The following CMYA5 variants were observed in gnomAD, a reference collection of about 807,000 sequenced individuals.
CMYA5 encodes the protein cardiomyopathy associated 5.
Under a neutral mutation model 318.9 loss-of-function variants are expected in CMYA5, and 246 were observed. That is an observed-to-expected ratio of 0.77 (90% confidence interval 0.70 to 0.86). CMYA5 has a LOEUF of 0.86. Among genes scored for constraint, CMYA5 ranks in the 40% least tolerant of loss-of-function variants. CMYA5 has a pLI of 0.00. For missense variants in CMYA5, 4,589 were observed against 4,678.2 expected (o/e 0.98, Z 0.56); for synonymous variants, 1,641 against 1,729.5 (o/e 0.95, Z 1.27).
rs377265314 is a variant in CMYA5 at position 79,762,112 on chromosome 5, G to C, written c.11407+155G>C. 1.3e-4 allele frequency: 104 copies of C among 771,222 alleles called. No individual in the cohort carries two copies. In the African/African-American group the frequency reaches 1.6e-3, roughly 12 times the overall value. 47.8% of individuals were successfully genotyped at this position (771,222 alleles called of 1,614,324 possible). A position where few individuals can be genotyped will look rare whatever the true frequency, so the allele number is the denominator to read the frequency against. Reference sequence around the variant, plus strand: ...AACGATGACTTAAGCCTGGGGTCCTGTTCTCAAGAAGCTCATGCTCAGGTG... The same window carrying C: ...AACGATGACTTAAGCCTGGGGTCCTCTTCTCAAGAAGCTCATGCTCAGGTG... On this transcript the variant is annotated intron_variant, in intron 8 of 12. Transcript: ENST00000446378.
At chr5:79,709,960 C>CAAAAAAAAAAAAAAAAAAAAAAA (rs61657639) in intron 1 of CMYA5, among the ~76,000 whole-genome samples, 1 of 24,322 alleles carries the variant, frequency 4.1e-5, no homozygotes, top group Non-Finnish European at 7.1e-5. Context: ...GACTCCATCT[C>CAAAAAAAAAAAAAAAAAAAAAAA]AAAAAAAAAA....
intron 6 of CMYA5, among the ~76,000 whole-genome samples, chr5:79,755,989 G>C (rs1828520841): frequency 6.6e-6 from 1 of 152,194 alleles, no homozygotes; most frequent in Non-Finnish European, 1.5e-5. Flanking sequence ...ATAATTCATA[G>C]GATAAAAGGG....
At chr5:79,690,306 C>T (rs1262976915) in intron 1 of CMYA5, among the ~76,000 whole-genome samples, 1 of 152,152 alleles carries the variant, frequency 6.6e-6, no homozygotes, top group Non-Finnish European at 1.5e-5. Context: ...TTGTTTATTC[C>T]TGAGGATTTA....
Position 79,734,567 on chromosome 5 carries a change from C to T in CMYA5, c.5802C>T (p.Ser1934=). The T allele has an allele frequency of 6.2e-7, 1 of 1,613,868 alleles. No individual in the cohort carries two copies. The highest frequency in any genetic ancestry group is 8.5e-7 in the Non-Finnish European group (1 of 1,179,846). Residue 1934 remains serine, a synonymous_variant, in exon 2 of 13, where the codon TCC becomes TCT. Coordinates refer to ENST00000446378, the MANE Select transcript of CMYA5 (RefSeq NM_153610.5). Reference sequence around the variant, plus strand: ...CAGGGCAGCTCAAGGCTGCTGTGTCCAGTAAGGACCATACATGTGAAGTGA... The same window carrying T: ...CAGGGCAGCTCAAGGCTGCTGTGTCTAGTAAGGACCATACATGTGAAGTGA... ...LRPGQLKAAV[S]SKDHTCEVRK...
At chr5:79,712,442 C>T (rs1208554262) in intron 1 of CMYA5, among the ~76,000 whole-genome samples, 1 of 151,774 alleles carries the variant, frequency 6.6e-6, no homozygotes, top group Non-Finnish European at 1.5e-5. Flanking sequence ...TGAACTCCTG[C>T]CCTCAAATGA....
intron 9 of CMYA5, among the ~76,000 whole-genome samples, chr5:79,767,610 G>C (rs1188642561): frequency 6.6e-6 from 1 of 152,198 alleles, no homozygotes; most frequent in African/African-American, 2.4e-5. Context: ...TAGTTGTGTG[G>C]TTTTGAGTGA....
intron 1 of CMYA5, among the ~76,000 whole-genome samples, chr5:79,716,382 C>T (rs960445501): frequency 2.0e-5 from 3 of 152,198 alleles, no homozygotes; most frequent in Non-Finnish European, 4.4e-5. Flanking sequence ...CAGTCACAGG[C>T]TGTGAAGAAC....
chr5:79,799,286 G>T (rs1829328421), intron 12 of CMYA5, 84 bp from the exon 13 acceptor site: 5 of 1,384,588 alleles, frequency 3.6e-6, no homozygotes, highest in Admixed American at 2.3e-5. Context: ...AATAACTGAA[G>T]AATTGGTTAT....
chr5:79,735,380 G>A lies in CMYA5; in HGVS notation c.6615G>A (p.Gln2205=), dbSNP rs1828032937. The part of the protein sequence containing the change: ...KVAEQEDLET[Q]PSPSVEKAVT... ...CTGAACAAGAAGACTTAGAAACACA[G>A]CCAAGTCCATCCGTAGAAAAAGCAG... is the stretch of plus-strand genomic sequence containing the variant. Residue 2205 remains glutamine, a synonymous_variant, in exon 2 of 13, where the codon CAG becomes CAA. Transcript: ENST00000446378. The A allele has an allele frequency of 4.3e-6, 7 of 1,613,740 alleles. No individual in the cohort carries two copies. The highest frequency in any genetic ancestry group is 5.9e-6 in the Non-Finnish European group (7 of 1,179,808).
At chr5:79,773,352 G>A (rs1047828654) in intron 9 of CMYA5, among the ~76,000 whole-genome samples, 2 of 152,206 alleles carry the variant, frequency 1.3e-5, no homozygotes, top group African/African-American at 4.8e-5. Flanking sequence ...AAGTAAAGAA[G>A]AATGGATGAA....
Position 79,733,110 on chromosome 5 carries a change from C to T in CMYA5, c.4345C>T (p.Pro1449Ser). 1.2e-6 allele frequency: 2 copies of T among 1,613,692 alleles called. No individual in the cohort carries two copies. The highest frequency in any genetic ancestry group is 1.1e-5 in the South Asian group (1 of 91,066). Reference sequence around the variant, plus strand: ...GAAGGAAATTAAATTTGATTCACTTCCAAGTGTCTCCTCTATAGCAGAGCA... The same window carrying T: ...GAAGGAAATTAAATTTGATTCACTTTCAAGTGTCTCCTCTATAGCAGAGCA... ...AEKEIKFDSLPSVSSIAEHSV... is the reference protein window; with the variant it reads ...AEKEIKFDSLSSVSSIAEHSV... The change falls in exon 2 of 13, where the codon CCA becomes TCA. Residue 1449 changes from proline to serine, a missense_variant. Physicochemically the swap from Pro to Ser is moderately conservative, Grantham distance 74. Around this residue, in one of 3 missense-constraint regions of CMYA5, gnomAD observed 2,132 missense variants for 2,131.3 expected, o/e 1.00. Coordinates refer to ENST00000446378, the MANE Select transcript of CMYA5 (RefSeq NM_153610.5).
intron 1 of CMYA5, among the ~76,000 whole-genome samples, chr5:79,728,535 C>T (rs552480383): frequency 6.6e-6 from 1 of 152,006 alleles, no homozygotes; most frequent in African/African-American, 2.4e-5. Flanking sequence ...AGGTGGCGAT[C>T]GTGGTAACAG....
At position 79,734,178 on chromosome 5, in the gene CMYA5, A is replaced by G; in HGVS notation, c.5413A>G (p.Ser1805Gly). ...GHPNSSQVLQ[S>G]ITEPSKIAPS... ...CCCAAATTCATCCCAGGTACTCCAG[A>G]GTATAACAGAACCATCAAAGATTGC... The change falls in exon 2 of 13, where the codon AGT becomes GGT. Residue 1805 changes from serine (S) to glycine (G), a missense_variant. Around this residue, in one of 3 missense-constraint regions of CMYA5, gnomAD observed 2,132 missense variants for 2,131.3 expected, o/e 1.00. Transcript: ENST00000446378. The G allele has an allele frequency of 6.2e-7, 1 of 1,613,876 alleles. No homozygotes were observed. Among genetic ancestry groups the G allele is most frequent in the East Asian group, 2.2e-5 (1 of 44,876 alleles).
Position 79,729,630 on chromosome 5 carries a change from G to C in CMYA5, c.865G>C (p.Ala289Pro), listed in dbSNP as rs1417469672. 3 of 1,613,886 alleles carry C rather than the reference G, an allele frequency of 1.9e-6. No individual in the cohort carries two copies. Among genetic ancestry groups the C allele is most frequent in the Middle Eastern group, 1.6e-4 (1 of 6,062 alleles). The part of the protein sequence containing the change: ...NTVSKTRKLV[A>P]QSIEDKVKEV... ...AGTGTCCAAAACACGCAAATTAGTA[G>C]CCCAAAGCATAGAGGATAAAGTAAA... The change falls in exon 2 of 13, where the codon GCC becomes CCC. Residue 289 changes from alanine to proline, a missense_variant. By Grantham distance (27) the Ala-to-Pro change is conservative (BLOSUM62 -1). This residue lies in a region of CMYA5 where 2,132 missense variants were observed against 2,131.3 expected (regional missense o/e 1.00). Transcript: ENST00000446378.
chr5:79,731,412 T>A lies in CMYA5; in HGVS notation c.2647T>A (p.Ser883Thr). The change falls in exon 2 of 13, where the codon TCA becomes ACA. Residue 883 changes from serine to threonine, a missense_variant. Ser to Thr is a moderately conservative substitution (Grantham distance 58, BLOSUM62 1). Around this residue, in one of 3 missense-constraint regions of CMYA5, gnomAD observed 2,132 missense variants for 2,131.3 expected, o/e 1.00. Coordinates refer to ENST00000446378, the MANE Select transcript of CMYA5 (RefSeq NM_153610.5). Reference sequence around the variant, plus strand: ...CACCCCATCTGAATATGTTGTTCTATCAGACGAAGAGGCAGTCGAGTTGGA... The same window carrying A: ...CACCCCATCTGAATATGTTGTTCTAACAGACGAAGAGGCAGTCGAGTTGGA... ...SATPSEYVVL[S>T]DEEAVELERY... 1 of 1,613,758 alleles carries A rather than the reference T, an allele frequency of 6.2e-7. No individual in the cohort carries two copies. The highest frequency in any genetic ancestry group is 8.5e-7 in the Non-Finnish European group (1 of 1,179,852).
At chr5:79,759,283 G>A (rs545151146) in intron 7 of CMYA5, among the ~76,000 whole-genome samples, 6 of 152,324 alleles carry the variant, frequency 3.9e-5, no homozygotes, top group East Asian at 1.9e-4. Context: ...CAAGTGTCAC[G>A]TGTTCCACTT....
intron 6 of CMYA5, among the ~76,000 whole-genome samples, chr5:79,754,218 C>T (rs1165785603): frequency 2.6e-5 from 4 of 152,136 alleles, no homozygotes; most frequent in Non-Finnish European, 5.9e-5. Flanking sequence ...TTTGGTGACA[C>T]CTCTCAGAAG....
At position 79,731,094 on chromosome 5, in the gene CMYA5, C is replaced by T. The variant is rs1366129827; in HGVS notation, c.2329C>T (p.His777Tyr). Residue 777 changes from histidine to tyrosine, a missense_variant, in exon 2 of 13, where the codon CAC (histidine) becomes TAC (tyrosine). Coordinates refer to ENST00000446378, the MANE Select transcript of CMYA5 (RefSeq NM_153610.5). The part of the protein sequence containing the change: ...SPLPSTATSE[H>Y]VVPSEGEDLG... ...ACTGCCTTCTACTGCCACATCAGAA[C>T]ACGTGGTCCCATCAGAAGGAGAGGA... The T allele has an allele frequency of 2.5e-6, 4 of 1,613,988 alleles. No individual in the cohort carries two copies. In the East Asian group the frequency reaches 6.7e-5, roughly 27 times the overall value.
In CMYA5 at chr5:79,737,629, A is replaced by G. The variant is rs1828108262; in HGVS notation, c.8864A>G (p.Asn2955Ser). The G allele has an allele frequency of 6.2e-7, 1 of 1,613,664 alleles. No homozygotes were observed. The highest frequency in any genetic ancestry group is 8.5e-7 in the Non-Finnish European group (1 of 1,179,778). Reference sequence around the variant, plus strand: ...ATTTCTGAAGGCTGTGAGATATTGAATATTCATGCTCCGGCCTTTATTTCT... The same window carrying G: ...ATTTCTGAAGGCTGTGAGATATTGAGTATTCATGCTCCGGCCTTTATTTCT... ...SIISEGCEIL[N>S]IHAPAFISSI... The change falls in exon 2 of 13, where the codon AAT becomes AGT. Residue 2955 changes from asparagine (N) to serine (S), a missense_variant. Asn to Ser is a conservative substitution (Grantham distance 46). Around this residue, in one of 3 missense-constraint regions of CMYA5, gnomAD observed 2,431 missense variants for 2,495.1 expected, o/e 0.97. Coordinates refer to ENST00000446378, the MANE Select transcript of CMYA5 (RefSeq NM_153610.5).
Sources: gnomAD v4.1 joint callset for allele counts (sites outside exome capture counted in the v4.1 genomes callset) on GRCh38, gnomAD v4.1.1 for gene constraint, gnomAD v4.1.1 regional missense constraint, MANE v1.5 for transcripts, NCBI Gene and HGNC (gene_info 2026-07-23, HGNC 2026-07-21) for gene names.